The following SAMD12 variants were observed in gnomAD, a reference collection of about 807,000 sequenced individuals.
SAMD12 encodes sterile alpha motif domain containing 12.
A neutral mutation model predicts 15.0 loss-of-function variants in SAMD12; 9 were observed. The ratio of observed to expected loss-of-function variants is 0.60; its 90% CI spans 0.36 to 1.05. The LOEUF (loss-of-function observed/expected upper bound fraction) is 1.05. SAMD12 is among the 50% of genes least tolerant of loss of function. The pLI, the probability that SAMD12 is intolerant of heterozygous loss-of-function variation, is 0.01. For missense variants in SAMD12, 230 were observed against 234.2 expected, an observed-to-expected ratio of 0.98 and a Z score of 0.12; for synonymous variants, 86 against 90.1, an observed-to-expected ratio of 0.96 and a Z score of 0.25.
At chr8:118,178,382 G>A in the SAMD12 span, among the ~76,000 whole-genome samples, 8 of 152,164 alleles carry the variant, frequency 5.3e-5, no homozygotes, top group African/African-American at 1.4e-4. Flanking sequence ...TATATACTAA[G>A]TTTTGGCTCT....
At chr8:118,416,716 T>G (rs1321004937) in intron 3 of SAMD12, among the ~76,000 whole-genome samples, 1 of 152,232 alleles carries the variant, frequency 6.6e-6, no homozygotes, top group African/African-American at 2.4e-5. Context: ...CCTTATTCAG[T>G]GCATCCAAGC....
intron 2 of SAMD12, among the ~76,000 whole-genome samples, chr8:118,535,156 T>C (rs1056908538): frequency 6.6e-6 from 1 of 152,204 alleles, no homozygotes; most frequent in Non-Finnish European, 1.5e-5. Context: ...TTGTTAGTTT[T>C]CCTTCTAACA....
At chr8:118,143,120 T>G in the SAMD12 span, among the ~76,000 whole-genome samples, 1 of 152,194 alleles carries the variant, frequency 6.6e-6, no homozygotes, top group Admixed American at 6.5e-5. Context: ...GGTTGACTTC[T>G]GAGTTGTGAT....
At chr8:118,136,729 T>C in the SAMD12 span, among the ~76,000 whole-genome samples, 1 of 152,190 alleles carries the variant, frequency 6.6e-6, no homozygotes, top group African/African-American at 2.4e-5. Context: ...GGCTGAGCTG[T>C]AGATGTGGAA....
At chr8:118,422,550 G>A (rs1378087257) in intron 3 of SAMD12, among the ~76,000 whole-genome samples, 1 of 152,174 alleles carries the variant, frequency 6.6e-6, no homozygotes, top group African/African-American at 2.4e-5. Flanking sequence ...AGGATGGATT[G>A]TTGTAATGGT....
downstream of SAMD12, among the ~76,000 whole-genome samples, chr8:118,186,824 G>C (rs1237352563): frequency 6.6e-6 from 1 of 152,142 alleles, no homozygotes; most frequent in East Asian, 1.9e-4. Flanking sequence ...TCCTGAGAGA[G>C]AGAGAAGAGT....
chr8:118,596,664 A>ATTTT (rs1827732253), intron 1 of SAMD12, among the ~76,000 whole-genome samples: 1 of 150,798 alleles, frequency 6.6e-6, no homozygotes, highest in African/African-American at 2.5e-5. Context: ...GGCATCTGGC[A>ATTTT]CTTTACCTTT....
At chr8:118,184,782 C>G (rs970345219), downstream of SAMD12, among the ~76,000 whole-genome samples, 1 of 152,188 alleles carries the variant, frequency 6.6e-6, no homozygotes, top group Non-Finnish European at 1.5e-5. Flanking sequence ...CAGGCATGAG[C>G]CTGCTAAGCC....
chr8:118,561,453 G>A (rs1826698663), intron 2 of SAMD12, among the ~76,000 whole-genome samples: 1 of 152,148 alleles, frequency 6.6e-6, no homozygotes, highest in Non-Finnish European at 1.5e-5. Flanking sequence ...CTGAGACTGA[G>A]TAATTTAAAA....
chr8:118,538,637 G>A (rs564914727), intron 2 of SAMD12, among the ~76,000 whole-genome samples: 1 of 152,348 alleles, frequency 6.6e-6, no homozygotes, highest in African/African-American at 2.4e-5. Flanking sequence ...GGGAATGAGA[G>A]AGAAGTGGTG....
intron 1 of SAMD12, among the ~76,000 whole-genome samples, chr8:118,602,267 T>G (rs1827881455): frequency 6.6e-6 from 1 of 152,216 alleles, no homozygotes; most frequent in Admixed American, 6.5e-5. Flanking sequence ...AGCACTAGAA[T>G]GGGACTTAGG....
intron 2 of SAMD12, among the ~76,000 whole-genome samples, chr8:118,532,416 C>G (rs1045709188): frequency 6.6e-6 from 1 of 151,992 alleles, no homozygotes; most frequent in Admixed American, 6.6e-5. Flanking sequence ...TGTTGTGTCT[C>G]TGCCAGGCTT....
intron 4 of SAMD12, among the ~76,000 whole-genome samples, chr8:118,203,679 C>G (rs1332758458): frequency 6.6e-6 from 1 of 150,738 alleles, no homozygotes; most frequent in Non-Finnish European, 1.5e-5. Flanking sequence ...TGTGCTGCAC[C>G]TATTAACTCT....
chr8:118,589,575 C>T (rs1413694527), intron 1 of SAMD12, among the ~76,000 whole-genome samples: 2 of 152,230 alleles, frequency 1.3e-5, no homozygotes, highest in Admixed American at 6.5e-5. Context: ...AGAAGATGTC[C>T]AAGGCATGAA....
intron 4 of SAMD12, among the ~76,000 whole-genome samples, chr8:118,368,392 A>G (rs532926511): frequency 1.3e-5 from 2 of 152,206 alleles, no homozygotes; most frequent in African/African-American, 4.8e-5. Context: ...CGCTGAGCTC[A>G]TGGTCATAGA....
intron 4 of SAMD12, among the ~76,000 whole-genome samples, chr8:118,234,707 T>C (rs1411156991): frequency 4.0e-5 from 2 of 49,812 alleles, no homozygotes; most frequent in Admixed American, 2.8e-4. Flanking sequence ...TAAGACTCCA[T>C]CTCAAAAAAA....
At chr8:118,212,284 G>A (rs1563697455) in intron 4 of SAMD12, among the ~76,000 whole-genome samples, 1 of 151,810 alleles carries the variant, frequency 6.6e-6, no homozygotes, top group African/African-American at 2.4e-5. Flanking sequence ...ACAGGTGTGT[G>A]CCACCATGTC....
chr8:118,320,100 G>A (rs1008396961), intron 4 of SAMD12, among the ~76,000 whole-genome samples: 1 of 152,124 alleles, frequency 6.6e-6, no homozygotes, highest in Admixed American at 6.6e-5. Context: ...AAGCAAGAGA[G>A]CCCCTTGAAG....
chr8:118,318,310 G>GTATATATATA (rs55959055), intron 4 of SAMD12, among the ~76,000 whole-genome samples: 4 of 113,322 alleles, frequency 3.5e-5, no homozygotes, highest in South Asian at 3.2e-4. Flanking sequence ...AGATATATGT[G>GTATATATATA]TATATATATA....
Sources: gnomAD v4.1 joint callset for allele counts (sites outside exome capture counted in the v4.1 genomes callset) on GRCh38, gnomAD v4.1.1 for gene constraint, MANE v1.5 for transcripts, NCBI Gene and HGNC (gene_info 2026-07-23, HGNC 2026-07-21) for gene names.